The following NDUFAF2 variants were observed in gnomAD, a reference collection of about 807,000 sequenced individuals.
The protein encoded by NDUFAF2 is NADH dehydrogenase [ubiquinone] 1 alpha subcomplex assembly factor 2.
NDUFAF2 carries 13 observed loss-of-function variants against 22.8 expected under a neutral mutation model. The ratio of observed to expected loss-of-function variants is 0.57; its 90% CI spans 0.37 to 0.91. NDUFAF2 has a LOEUF of 0.91. Ranked by LOEUF, NDUFAF2 falls within the 40% of genes least tolerant of loss-of-function variation. NDUFAF2 has a pLI of 0.01. For missense variants in NDUFAF2, 162 were observed against 195.2 expected (o/e 0.83, Z 1.01); for synonymous variants, 53 against 64.2 (o/e 0.83, Z 0.84).
At chr5:61,111,531 G>A (rs994983774) in intron 3 of NDUFAF2, among the ~76,000 whole-genome samples, 1 of 152,070 alleles carries the variant, frequency 6.6e-6, no homozygotes, top group African/African-American at 2.4e-5. Context: ...CCACCTCCTA[G>A]GCTTAAGCGA....
intron 3 of NDUFAF2, among the ~76,000 whole-genome samples, chr5:61,134,279 CAGGT>C (rs201726799): frequency 0.044 from 6,629 of 152,124 alleles, 171 homozygotes; most frequent in South Asian, 0.08. Context: ...ATAAAAATGA[CAGGT>C]AGAGGGAGGG....
At chr5:60,977,048 C>T (rs1280774076) in intron 1 of NDUFAF2, among the ~76,000 whole-genome samples, 1 of 151,928 alleles carries the variant, frequency 6.6e-6, no homozygotes, top group Admixed American at 6.6e-5. Context: ...CTCTTAGATA[C>T]TAAGATCTAG....
intron 2 of NDUFAF2, among the ~76,000 whole-genome samples, chr5:61,094,415 G>A (rs967862824): frequency 1.3e-5 from 2 of 152,236 alleles, no homozygotes; most frequent in Middle Eastern, 3.4e-3. Flanking sequence ...TAGCTTCTTC[G>A]CATTGGGTTA....
intron 3 of NDUFAF2, among the ~76,000 whole-genome samples, chr5:61,149,713 C>G (rs573938333): frequency 6.6e-6 from 1 of 152,178 alleles, no homozygotes; most frequent in Admixed American, 6.5e-5. Flanking sequence ...TATCCTTACA[C>G]AAACACTGAA....
At chr5:60,997,889 A>T (rs1190850877) in intron 1 of NDUFAF2, among the ~76,000 whole-genome samples, 1 of 152,174 alleles carries the variant, frequency 6.6e-6, no homozygotes, top group African/African-American at 2.4e-5. Flanking sequence ...GGAAAGGCTT[A>T]TCATCCTAGA....
chr5:61,074,423 C>T (rs1248490372), intron 2 of NDUFAF2, among the ~76,000 whole-genome samples: 1 of 152,112 alleles, frequency 6.6e-6, no homozygotes, highest in Non-Finnish European at 1.5e-5. Flanking sequence ...CCCGTCTCTA[C>T]TAAAAATACA....
chr5:61,152,889 C>A lies in NDUFAF2; in HGVS notation c.444C>A (p.Ser148Arg). The change falls in exon 4 of 4, where the codon AGC becomes AGA. Residue 148 changes from serine to arginine, a missense_variant. By Grantham distance (110) the Ser-to-Arg change is moderately radical. Coordinates refer to ENST00000296597, the MANE Select transcript of NDUFAF2 (RefSeq NM_174889.5). ...AGGAAGAACCCTCAGTGGCTCCCAG[C>A]AGCACTGGTAAAACCTTTCAGCCAG... ...FGKEEPSVAPSSTGKTFQPGS... is the reference protein window; with the variant it reads ...FGKEEPSVAPRSTGKTFQPGS... The A allele has an allele frequency of 6.2e-7, 1 of 1,612,762 alleles. No individual in the cohort carries two copies. Among genetic ancestry groups the A allele is most frequent in the East Asian group, 2.2e-5 (1 of 44,822 alleles).
chr5:61,114,744 A>G (rs963714972), intron 3 of NDUFAF2: 2 of 151,678 alleles, frequency 1.3e-5, no homozygotes, highest in East Asian at 3.9e-4. Context: ...CTGCATCTGT[A>G]TCTGCATTAG....
chr5:60,983,742 T>A (rs556620339), intron 1 of NDUFAF2, among the ~76,000 whole-genome samples: 1 of 151,098 alleles, frequency 6.6e-6, no homozygotes, highest in Non-Finnish European at 1.5e-5. Context: ...AGGGCTCTGT[T>A]CTGTTCCATT....
chr5:60,970,903 G>A (rs1750818321), intron 1 of NDUFAF2, among the ~76,000 whole-genome samples: 4 of 151,962 alleles, frequency 2.6e-5, no homozygotes, highest in East Asian at 1.9e-4. Context: ...ATATATTTTT[G>A]TCTACATAAT....
At chr5:60,981,993 A>G (rs1750984885) in intron 1 of NDUFAF2, among the ~76,000 whole-genome samples, 1 of 152,190 alleles carries the variant, frequency 6.6e-6, no homozygotes, top group Non-Finnish European at 1.5e-5. Flanking sequence ...TCAGACTGTA[A>G]GTACTAAAGG....
intron 1 of NDUFAF2, among the ~76,000 whole-genome samples, chr5:60,992,975 G>C (rs1172681191): frequency 4.6e-5 from 7 of 152,176 alleles, no homozygotes; most frequent in African/African-American, 1.7e-4. Context: ...AGTTTTTCTT[G>C]GGACTGTTGG....
chr5:60,993,005 C>G (rs1281345187), intron 1 of NDUFAF2, among the ~76,000 whole-genome samples: 1 of 152,206 alleles, frequency 6.6e-6, no homozygotes, highest in East Asian at 1.9e-4. Flanking sequence ...ACACACTGGA[C>G]CTGCAGGCCG....
chr5:60,983,101 G>A (rs1580078799), intron 1 of NDUFAF2, among the ~76,000 whole-genome samples: 1 of 151,304 alleles, frequency 6.6e-6, no homozygotes, highest in African/African-American at 2.4e-5. Flanking sequence ...TCTAACTGGT[G>A]TGAGATGGTA....
chr5:61,069,655 C>A (rs1752271637), intron 1 of NDUFAF2, among the ~76,000 whole-genome samples: 1 of 152,114 alleles, frequency 6.6e-6, no homozygotes, highest in Admixed American at 6.6e-5. Context: ...GAGGCTCCTT[C>A]CCATATCTGT....
intron 1 of NDUFAF2, among the ~76,000 whole-genome samples, chr5:61,057,886 T>G (rs1167813856): frequency 6.6e-6 from 1 of 152,214 alleles, no homozygotes; most frequent in Non-Finnish European, 1.5e-5. Context: ...TGATCAGTGG[T>G]GCCTGGTGGC....
chr5:61,067,650 T>G (rs1752247524), intron 1 of NDUFAF2, among the ~76,000 whole-genome samples: 4 of 152,148 alleles, frequency 2.6e-5, no homozygotes, highest in South Asian at 2.1e-4. Flanking sequence ...AGCAGCATTA[T>G]TTGTAGTCCT....
At chr5:61,103,823 G>A (rs936258632) in intron 3 of NDUFAF2, among the ~76,000 whole-genome samples, 2 of 152,002 alleles carry the variant, frequency 1.3e-5, no homozygotes, top group African/African-American at 4.8e-5. Context: ...GTTCAGCTTA[G>A]GATTTTTTAA....
chr5:61,127,177 A>G lies in NDUFAF2; in HGVS notation c.259-25527A>G, dbSNP rs577220981. Among the ~76,000 whole-genome samples, 119 of 152,274 alleles carry G rather than the reference A, an allele frequency of 7.8e-4. 2 individuals are homozygous for G. Among genetic ancestry groups the G allele is most frequent in the Admixed American group, 6.8e-3 (104 of 15,290 alleles). ...CCGACCAAAAACAGTCCAGGACCAG[A>G]CAGATTCACAGCCGAATTCTACCAG... On this transcript the variant is annotated intron_variant, in intron 3 of 3. Coordinates refer to ENST00000296597, the MANE Select transcript of NDUFAF2 (RefSeq NM_174889.5).
Sources: allele counts gnomAD v4.1 joint callset (sites outside exome capture counted in the v4.1 genomes callset), GRCh38; gene constraint gnomAD v4.1.1; transcripts MANE v1.5; gene names NCBI Gene and HGNC (gene_info 2026-07-23, HGNC 2026-07-21).